GPC6: variants seen among roughly 807,000 people sequenced by gnomAD.
GPC6 encodes the protein glypican-6.
In GPC6, 14 loss-of-function variants were observed where a neutral mutation model predicts 55.2. That is an observed-to-expected ratio of 0.25 (90% confidence interval 0.17 to 0.40). GPC6 has a LOEUF of 0.40. Ranked by LOEUF, GPC6 falls within the 10% of genes least tolerant of loss-of-function variation. The probability of loss-of-function intolerance (pLI) is 1.00; values close to 1 mark genes in which losing one functional copy is unlikely to be tolerated. For missense variants in GPC6, 641 were observed against 708.5 expected (o/e 0.90, Z 1.08); for synonymous variants, 278 against 259.6 (o/e 1.07, Z -0.68).
intron 3 of GPC6, among the ~76,000 whole-genome samples, chr13:93,970,420 T>G (rs985059321): frequency 6.6e-6 from 1 of 152,182 alleles, no homozygotes; most frequent in Admixed American, 6.6e-5. Flanking sequence ...CTGGAAGAAG[T>G]GCTTTTTCTG....
chr13:94,056,498 A>C (rs1199091234), intron 4 of GPC6, among the ~76,000 whole-genome samples: 1 of 152,212 alleles, frequency 6.6e-6, no homozygotes. Flanking sequence ...CTTCCCTTAC[A>C]GACTAGGCCT....
chr13:93,242,785 A>T (rs921652635), intron 1 of GPC6, among the ~76,000 whole-genome samples: 6 of 151,418 alleles, frequency 4.0e-5, no homozygotes, highest in Non-Finnish European at 8.8e-5. Flanking sequence ...GGTATGATGC[A>T]CTCCCCCTTT....
intron 1 of GPC6, among the ~76,000 whole-genome samples, chr13:93,269,836 G>A (rs554361716): frequency 7.2e-6 from 1 of 138,044 alleles, no homozygotes; most frequent in African/African-American, 2.7e-5. Flanking sequence ...AGCTTGCAAT[G>A]AGCCTAGATT....
At chr13:93,764,103 A>G (rs187408124) in intron 2 of GPC6, among the ~76,000 whole-genome samples, 13 of 152,092 alleles carry the variant, frequency 8.5e-5, no homozygotes, top group African/African-American at 2.6e-4. Context: ...TCTTAGAGAT[A>G]CTCCTCTTAA....
Position 93,915,827 on chromosome 13 carries a change from C to T in GPC6, c.711+85282C>T, listed in dbSNP as rs556832562. Among the ~76,000 whole-genome samples, 12 of 152,296 alleles carry T rather than the reference C, an allele frequency of 7.9e-5. No individual in the cohort carries two copies. In the East Asian group the frequency reaches 2.3e-3, roughly 29 times the overall value. On this transcript the variant is annotated intron_variant, in intron 3 of 8. Transcript: ENST00000377047. ...TTGGCTGCCCCCCAGTTAAGCCATG[C>T]CTCTCTCCTTTTCTGAATTTGAATG...
intron 1 of GPC6, among the ~76,000 whole-genome samples, chr13:93,468,951 C>G (rs758044604): frequency 1.1e-4 from 16 of 152,022 alleles, no homozygotes; most frequent in Non-Finnish European, 2.4e-4. Context: ...TTCTTGCTTT[C>G]TCAGAGGGCA....
At chr13:93,717,749 T>C (rs2138818031) in intron 2 of GPC6, among the ~76,000 whole-genome samples, 1 of 151,860 alleles carries the variant, frequency 6.6e-6, no homozygotes. Context: ...CTCCTAATGC[T>C]ATCCTTCCCC....
At chr13:93,381,350 A>G (rs1875160946) in intron 1 of GPC6, among the ~76,000 whole-genome samples, 1 of 152,140 alleles carries the variant, frequency 6.6e-6, no homozygotes, top group Non-Finnish European at 1.5e-5. Flanking sequence ...GGAGTTGTTT[A>G]TGATGCTATC....
rs545819268 is a variant in GPC6 at position 94,403,306 on chromosome 13, G to T, written c.*89G>T. ...CTTACACTCTTGGACAATGGACCAT[G>T]CCACAAAAACTTACCGTTTTCTATG... On this transcript the variant is annotated 3_prime_UTR_variant, in exon 9 of 9. Coordinates refer to ENST00000377047, the MANE Select transcript of GPC6 (RefSeq NM_005708.5). The T allele has an allele frequency of 5.1e-5, 49 of 961,122 alleles. No individual in the cohort carries two copies. The highest frequency in any genetic ancestry group is 6.5e-5 in the Non-Finnish European group (40 of 614,062). The allele number at this position is 961,122 out of a possible 1,614,324, so 59.5% of individuals were successfully genotyped here.
At chr13:93,450,374 T>G (rs543292581) in intron 1 of GPC6, among the ~76,000 whole-genome samples, 1 of 152,356 alleles carries the variant, frequency 6.6e-6, no homozygotes, top group South Asian at 2.1e-4. Context: ...GTGAGCCTCC[T>G]CATCTGTAAT....
At chr13:93,488,498 C>T (rs1879821479) in intron 1 of GPC6, among the ~76,000 whole-genome samples, 1 of 152,182 alleles carries the variant, frequency 6.6e-6, no homozygotes, top group Non-Finnish European at 1.5e-5. Context: ...AATGGGATGG[C>T]TAGGTCAAAT....
chr13:93,231,348 T>TATATATATACATATATATATATACATAC (rs1876012669), intron 1 of GPC6, among the ~76,000 whole-genome samples: 1 of 33,484 alleles, frequency 3.0e-5, no homozygotes, highest in African/African-American at 1.6e-4. Context: ...TATATATACA[T>TATATATATACATATATATATATACATAC]ATATATATAT....
intron 2 of GPC6, among the ~76,000 whole-genome samples, chr13:93,723,748 T>A (rs574196376): frequency 2.0e-5 from 3 of 151,972 alleles, no homozygotes; most frequent in African/African-American, 4.8e-5. Context: ...ATTTCACAAT[T>A]TTTTTGAGTG....
At chr13:93,517,997 G>T (rs1408537410) in intron 1 of GPC6, among the ~76,000 whole-genome samples, 2 of 151,726 alleles carry the variant, frequency 1.3e-5, no homozygotes, top group African/African-American at 4.8e-5. Flanking sequence ...ATTTTTAGGG[G>T]TATATGTAGT....
Position 93,443,060 on chromosome 13 carries a change from C to G in GPC6, c.161-102203C>G, listed in dbSNP as rs541656423. ...CTGTATGTGCATAACTTGATGAGCA[C>G]TTTTGCTTCTTAGAGAACCTAACAC... On this transcript the variant is annotated intron_variant, in intron 1 of 8. Transcript: ENST00000377047. Among the ~76,000 whole-genome samples the G allele has an allele frequency of 1.6e-3, 247 of 152,234 alleles. 2 individuals carry two copies. The highest frequency in any genetic ancestry group is 3.6e-3 in the Admixed American group (55 of 15,282).
At chr13:93,874,934 C>T (rs1206282860) in intron 3 of GPC6, among the ~76,000 whole-genome samples, 1 of 151,896 alleles carries the variant, frequency 6.6e-6, no homozygotes, top group African/African-American at 2.4e-5. Flanking sequence ...TACTTCACTC[C>T]CTCTATCCTG....
chr13:93,518,438 C>T (rs1352443061), intron 1 of GPC6, among the ~76,000 whole-genome samples: 1 of 151,964 alleles, frequency 6.6e-6, no homozygotes, highest in Non-Finnish European at 1.5e-5. Context: ...GAGGCAAACC[C>T]TACTACCGTC....
At chr13:94,260,612 T>C (rs1413807530) in intron 4 of GPC6, among the ~76,000 whole-genome samples, 2 of 152,190 alleles carry the variant, frequency 1.3e-5, no homozygotes, top group African/African-American at 4.8e-5. Flanking sequence ...CTTTGAAGAC[T>C]CTATCTCCTA....
chr13:93,632,453 A>G (rs1879488777), intron 2 of GPC6, among the ~76,000 whole-genome samples: 1 of 151,774 alleles, frequency 6.6e-6, no homozygotes, highest in African/African-American at 2.4e-5. Context: ...TACAAAAAAT[A>G]CAAAAATTAG....
Sources: allele counts gnomAD v4.1 joint callset (sites outside exome capture counted in the v4.1 genomes callset), GRCh38; gene constraint gnomAD v4.1.1; transcripts MANE v1.5; gene names NCBI Gene and HGNC (gene_info 2026-07-23, HGNC 2026-07-21).